PIWIL3: variants seen among roughly 807,000 people sequenced by gnomAD.
The protein encoded by PIWIL3 is piwi like RNA-mediated gene silencing 3.
Under a neutral mutation model 109.7 loss-of-function variants are expected in PIWIL3, and 101 were observed. The ratio of observed to expected loss-of-function variants is 0.92; its 90% CI spans 0.78 to 1.09. The LOEUF (loss-of-function observed/expected upper bound fraction) is 1.09. Among genes scored for constraint, PIWIL3 ranks in the 50% least tolerant of loss-of-function variants. The pLI, the probability that PIWIL3 is intolerant of heterozygous loss-of-function variation, is 0.00. For synonymous variants in PIWIL3, 373 were observed against 376.4 expected (o/e 0.99, Z 0.10); for missense variants, 1,031 against 1,072.6 (o/e 0.96, Z 0.54).
At chr22:24,723,373 TC>T in intron 18 of PIWIL3, 118 bp from the exon 19 acceptor site, 1 of 1,019,884 alleles carries the variant, frequency 9.8e-7, no homozygotes, top group Non-Finnish European at 1.4e-6. Flanking sequence ...ACAGCAGCCC[TC>T]CTTACACCCT....
At chr22:24,769,609 C>G (rs1395347701) in intron 1 of PIWIL3, 2 of 151,946 alleles carry the variant, frequency 1.3e-5, no homozygotes, top group Admixed American at 6.6e-5. Flanking sequence ...GAGACTCCGT[C>G]TGAAAAACAA....
At chr22:24,730,184 G>GT (rs2147657896) in intron 14 of PIWIL3, among the ~76,000 whole-genome samples, 1 of 151,952 alleles carries the variant, frequency 6.6e-6, no homozygotes, top group Non-Finnish European at 1.5e-5. Context: ...GGCCAATACG[G>GT]TGAAACCCCG....
chr22:24,753,264 T>G (rs1924816887), intron 8 of PIWIL3, among the ~76,000 whole-genome samples: 1 of 152,230 alleles, frequency 6.6e-6, no homozygotes, highest in Non-Finnish European at 1.5e-5. Context: ...TCTAAGAATG[T>G]TATGCTTTTA....
intron 17 of PIWIL3, 122 bp from the exon 18 acceptor site, chr22:24,725,159 A>C (rs1922916534): frequency 2.5e-6 from 3 of 1,195,144 alleles, no homozygotes; most frequent in Non-Finnish European, 3.5e-6. Context: ...TTACTGCTTA[A>C]GTCCTGTCTA....
At chr22:24,754,727 C>T (rs8142601) in intron 7 of PIWIL3, 57 bp downstream of exon 7, 277,023 of 1,384,664 alleles carry the variant, frequency 0.2, 30,003 homozygotes, top group Admixed American at 0.39. Context: ...GAATAACTTT[C>T]TCAAAAAATC....
intron 12 of PIWIL3, among the ~76,000 whole-genome samples, chr22:24,737,585 T>C (rs1331124375): frequency 6.6e-6 from 1 of 152,166 alleles, no homozygotes; most frequent in African/African-American, 2.4e-5. Context: ...AAGGGGACTT[T>C]GTCTTGCACC....
intron 2 of PIWIL3, among the ~76,000 whole-genome samples, chr22:24,761,388 GA>G (rs1472297629): frequency 6.6e-6 from 1 of 152,178 alleles, no homozygotes; most frequent in Non-Finnish European, 1.5e-5. Flanking sequence ...GTTGACAGGA[GA>G]AAAGAGGTCT....
At chr22:24,762,999 GT>G (rs901970518) in intron 1 of PIWIL3, among the ~76,000 whole-genome samples, 4 of 151,688 alleles carry the variant, frequency 2.6e-5, no homozygotes, top group Non-Finnish European at 4.4e-5. Context: ...ACCTGGTAAT[GT>G]TTTTTTTCCG....
At chr22:24,752,060 G>A (rs1214081573) in intron 8 of PIWIL3, among the ~76,000 whole-genome samples, 2 of 151,548 alleles carry the variant, frequency 1.3e-5, no homozygotes, top group Non-Finnish European at 2.9e-5. Flanking sequence ...TAATAAATAT[G>A]TTCTCATTTC....
intron 1 of PIWIL3, among the ~76,000 whole-genome samples, chr22:24,763,911 G>A (rs1925615322): frequency 6.6e-6 from 1 of 152,174 alleles, no homozygotes; most frequent in Non-Finnish European, 1.5e-5. Context: ...CTATGCACCG[G>A]CGCTCTGTGG....
intron 12 of PIWIL3, among the ~76,000 whole-genome samples, chr22:24,745,930 A>G (rs907882339): frequency 6.6e-5 from 10 of 152,166 alleles, no homozygotes; most frequent in African/African-American, 2.4e-4. Context: ...AAACCAGAAC[A>G]GACCAATAAC....
Position 24,727,993 on chromosome 22 carries a change from AT to A in PIWIL3, c.1965del (p.Lys655AsnfsTer3). 1 of 1,613,908 alleles carries A rather than the reference AT, an allele frequency of 6.2e-7. No individual in the cohort carries two copies. The highest frequency in any genetic ancestry group is 8.5e-7 in the Non-Finnish European group (1 of 1,179,982). The stretch of plus-strand genomic sequence containing the variant: ...GTACTTGCAACAAATCCTGCTATTG[AT>A]TTCTGTCGATTTACGATATCGTGGA... ...DCFHDIVNRQ[K>X]SIAGFVASTN... On this transcript the variant is annotated frameshift_variant, in exon 16 of 21. Transcript: ENST00000616349. LOFTEE classifies it high-confidence loss of function.
rs1391431545 is a variant in PIWIL3, at chr22:24,767,661, GGAAA to G, written c.-22-5144_-22-5141del. ...AACATGCATAATGGGAATATCATAA[GGAAA>G]GAAAGAGAGAAAGGAACAGGAGAAG... is the stretch of plus-strand genomic sequence containing the variant. On this transcript the variant is annotated intron_variant, in intron 1 of 20. Transcript: ENST00000616349. Among the ~76,000 whole-genome samples, 5 of 151,968 alleles carry G rather than the reference GGAAA, an allele frequency of 3.3e-5. No individual in the cohort carries two copies. In the East Asian group the frequency reaches 7.7e-4, roughly 23 times the overall value.
chr22:24,754,161 C>T lies in PIWIL3; in HGVS notation c.830G>A (p.Ser277Asn). ...GCTCACATCGGCACAGAGGGTAATG[C>T]TGTTTTCGTATTGAAGAACAGAAGT... ...YVTSVLQYEN[S>N]ITLCADVSHK... The change falls in exon 8 of 21, where the codon AGC becomes AAC. Residue 277 changes from serine to asparagine, a missense_variant. Ser to Asn is a conservative substitution (Grantham distance 46). Coordinates refer to ENST00000616349, the MANE Select transcript of PIWIL3 (RefSeq NM_001255975.1). 1.9e-6 allele frequency: 3 copies of T among 1,614,106 alleles called. No individual in the cohort carries two copies. Among genetic ancestry groups the T allele is most frequent in the African/African-American group, 1.3e-5 (1 of 75,040 alleles).
intron 12 of PIWIL3, among the ~76,000 whole-genome samples, chr22:24,741,869 A>G (rs1924028022): frequency 6.6e-6 from 1 of 150,520 alleles, no homozygotes; most frequent in Non-Finnish European, 1.5e-5. Flanking sequence ...CACCACTTCT[A>G]TGAAACATAG....
At chr22:24,726,719 C>T (rs546200955) in intron 16 of PIWIL3, among the ~76,000 whole-genome samples, 37 of 152,226 alleles carry the variant, frequency 2.4e-4, no homozygotes, top group African/African-American at 5.3e-4. Context: ...ATGATTGCAA[C>T]GCTATTTTCA....
intron 7 of PIWIL3, 40 bp from the exon 8 acceptor site, chr22:24,754,257 A>C (rs1924881542): frequency 6.4e-7 from 1 of 1,551,996 alleles, no homozygotes; most frequent in African/African-American, 1.4e-5. Context: ...CGATCTCTTC[A>C]CATAAAGCCA....
In PIWIL3 at chr22:24,727,945, CTTACT is replaced by C. The variant is rs1391711338; in HGVS notation, c.2009_2009+4del. On this transcript the variant is annotated splice_donor_variant and splice_donor_region_variant and coding_sequence_variant and intron_variant, in exon 16 of 21. Coordinates refer to ENST00000616349, the MANE Select transcript of PIWIL3 (RefSeq NM_001255975.1). LOFTEE classifies it high-confidence loss of function. ...AACTAAACATGTCTACCAGAGCTTA[CTTACT>C]TTGTTAATTCAGCATTGGTACTTGC... The C allele has an allele frequency of 6.2e-7, 1 of 1,602,900 alleles. No individual in the cohort carries two copies. Among genetic ancestry groups the C allele is most frequent in the East Asian group, 2.2e-5 (1 of 44,822 alleles).
chr22:24,741,639 C>T (rs1168905951), intron 12 of PIWIL3, among the ~76,000 whole-genome samples: 2 of 152,048 alleles, frequency 1.3e-5, no homozygotes, highest in Non-Finnish European at 2.9e-5. Context: ...AGTTAAAAAG[C>T]AAAGGACACA....
Sources: gnomAD v4.1 joint callset for allele counts (sites outside exome capture counted in the v4.1 genomes callset) on GRCh38, gnomAD v4.1.1 for gene constraint, MANE v1.5 for transcripts, NCBI Gene and HGNC (gene_info 2026-07-23, HGNC 2026-07-21) for gene names.